The following PHACTR1 variants were observed in gnomAD, a reference collection of about 807,000 sequenced individuals.
The protein encoded by PHACTR1 is RPEL repeat containing 1.
In PHACTR1, 16 loss-of-function variants were observed where a neutral mutation model predicts 69.2. The observed-to-expected ratio is 0.23, with a 90% CI of 0.16 to 0.35. The LOEUF is 0.35. Among genes scored for constraint, PHACTR1 ranks in the 10% least tolerant of loss-of-function variants. PHACTR1 has a pLI of 1.00. For missense variants in PHACTR1, 510 were observed against 734.7 expected (o/e 0.69, Z 3.54); for synonymous variants, 312 against 284.5 (o/e 1.10, Z -0.97).
intron 4 of PHACTR1, among the ~76,000 whole-genome samples, chr6:13,030,761 C>T (rs6912487): frequency 0.7 from 107,112 of 152,166 alleles, 39,133 homozygotes; most frequent in East Asian, 0.88. Flanking sequence ...CACTCATTCA[C>T]GTGCTGAGAC....
At chr6:12,992,941 T>C (rs540264448) in intron 4 of PHACTR1, among the ~76,000 whole-genome samples, 1 of 152,348 alleles carries the variant, frequency 6.6e-6, no homozygotes, top group East Asian at 1.9e-4. Context: ...TCTTTTATTA[T>C]GCAAATGGGT....
intron 5 of PHACTR1, among the ~76,000 whole-genome samples, chr6:13,078,964 A>G (rs976197711): frequency 2.6e-5 from 4 of 152,226 alleles, no homozygotes; most frequent in Admixed American, 2.0e-4. Context: ...AGCTTTGTCA[A>G]TAAAATAGTT....
Position 13,283,422 on chromosome 6 carries a change from CTCAG to C in PHACTR1, c.1514_1517del (p.Ser505LysfsTer65), listed in dbSNP as rs1310126476. On this transcript the variant is annotated frameshift_variant and splice_region_variant, in exon 13 of 15. Transcript: ENST00000332995. LOFTEE classifies it high-confidence loss of function. This position sits in a 1 kb window ranked among gnomAD's most constrained non-coding sequence, Gnocchi z 4.7. ...GGTCCATCTCTCTCCCTCCCTGCAGCTCAGTCAAAGGCCCACGGTGGAAGAGCTT... is the reference window on the plus strand; with the variant it reads ...GGTCCATCTCTCTCCCTCCCTGCAGCTCAAAGGCCCACGGTGGAAGAGCTT... 3.7e-6 allele frequency: 6 copies of C among 1,613,366 alleles called. No homozygotes were observed. Among genetic ancestry groups the C allele is most frequent in the Non-Finnish European group, 2.5e-6 (3 of 1,179,754 alleles).
chr6:12,921,524 G>A (rs1308757393), intron 4 of PHACTR1, among the ~76,000 whole-genome samples: 34 of 137,384 alleles, frequency 2.5e-4, no homozygotes, highest in African/African-American at 9.3e-4. Context: ...AGGAAGGGGA[G>A]GGAGGGAGGG....
chr6:13,285,796 T>C (rs1445227469), intron 13 of PHACTR1, among the ~76,000 whole-genome samples: 6 of 152,174 alleles, frequency 3.9e-5, no homozygotes, highest in African/African-American at 1.4e-4. Flanking sequence ...GAGCTTTGTT[T>C]ATTTATGGAA....
Position 13,272,640 on chromosome 6 carries a change from G to A in PHACTR1, c.1392-220G>A, listed in dbSNP as rs1401753713. 14 of 1,416,702 alleles carry A rather than the reference G, an allele frequency of 9.9e-6. No individual in the cohort carries two copies. In the Admixed American group the frequency reaches 1.0e-4, roughly 11 times the overall value. The allele number at this position is 1,416,702 out of a possible 1,614,324, so 87.8% of individuals were successfully genotyped here. A position where few individuals can be genotyped will look rare whatever the true frequency, so the allele number is the denominator to read the frequency against. ...TGGGGAGGGGCCGCTGCAGGGAGGA[G>A]GGCGGGGGTCAGCGGCTGTGACATG... On this transcript the variant is annotated intron_variant, in intron 10 of 14. Coordinates refer to ENST00000332995, the MANE Select transcript of PHACTR1 (RefSeq NM_030948.6).
intron 4 of PHACTR1, among the ~76,000 whole-genome samples, chr6:13,029,023 T>G (rs958031032): frequency 6.6e-6 from 1 of 152,202 alleles, no homozygotes; most frequent in African/African-American, 2.4e-5. Flanking sequence ...ATAACATTGC[T>G]TATTCACTTA....
chr6:12,768,301 A>G (rs1768922494), intron 4 of PHACTR1, among the ~76,000 whole-genome samples: 1 of 151,928 alleles, frequency 6.6e-6, no homozygotes, highest in South Asian at 2.1e-4. Context: ...TTTTTAGTAG[A>G]GACGGGGTTT....
chr6:12,930,182 T>C (rs961026872), intron 4 of PHACTR1, among the ~76,000 whole-genome samples: 1 of 152,080 alleles, frequency 6.6e-6, no homozygotes, highest in Admixed American at 6.6e-5. Context: ...TAGCTGGGAC[T>C]ATAGGTGTGT....
In PHACTR1 at chr6:12,912,942, G is replaced by A. The variant is rs142270815; in HGVS notation, c.251-140423G>A. On this transcript the variant is annotated intron_variant, in intron 4 of 14. Coordinates refer to ENST00000332995, the MANE Select transcript of PHACTR1 (RefSeq NM_030948.6). ...GCACTCCAGCCTGGGCAACTGGAAT[G>A]AGACCCTGTCTCAAAACAAACAAAC... 2.6e-3 allele frequency among the ~76,000 whole-genome samples: 400 copies of A among 152,300 alleles called. 2 individuals are homozygous for A. Among genetic ancestry groups the A allele is most frequent in the African/African-American group, 9.3e-3 (385 of 41,566 alleles).
intron 4 of PHACTR1, among the ~76,000 whole-genome samples, chr6:12,803,954 C>A (rs1773999284): frequency 6.6e-6 from 1 of 152,156 alleles, no homozygotes; most frequent in Non-Finnish European, 1.5e-5. Context: ...GAACAAAATT[C>A]CAAATAGTAA....
At chr6:13,259,854 T>C (rs544442154) in intron 10 of PHACTR1, among the ~76,000 whole-genome samples, 51 of 152,324 alleles carry the variant, frequency 3.3e-4, no homozygotes, top group African/African-American at 1.2e-3. Context: ...TTGAAAATCA[T>C]TGATGGAAAT....
chr6:13,220,144 A>G (rs1768374818), intron 8 of PHACTR1, among the ~76,000 whole-genome samples: 2 of 152,240 alleles, frequency 1.3e-5, no homozygotes. Flanking sequence ...GGTGGTTTTG[A>G]AAGATGCTCC....
intron 4 of PHACTR1, among the ~76,000 whole-genome samples, chr6:12,977,506 C>G (rs1265734234): frequency 6.6e-6 from 1 of 152,172 alleles, no homozygotes; most frequent in African/African-American, 2.4e-5. Context: ...CTCTCTCCCC[C>G]TAAAACTTAT....
chr6:12,729,556 G>A (rs1358915502), intron 3 of PHACTR1, among the ~76,000 whole-genome samples: 1 of 152,192 alleles, frequency 6.6e-6, no homozygotes, highest in Non-Finnish European at 1.5e-5. Context: ...GTGGAGAATG[G>A]CGTAAGAGAA....
chr6:13,231,049 A>AAAGAAAGAAAGAGAGAGAGAG (rs1770863438), intron 10 of PHACTR1, among the ~76,000 whole-genome samples: 1 of 1,342 alleles, frequency 7.5e-4, no homozygotes, highest in African/African-American at 1.8e-3. Context: ...GAGAGAAAGG[A>AAAGAAAGAAAGAGAGAGAGAG]AGGAAGGAAG....
chr6:13,170,365 C>A (rs1273940538), intron 6 of PHACTR1, among the ~76,000 whole-genome samples: 3 of 152,186 alleles, frequency 2.0e-5, no homozygotes, highest in Admixed American at 6.5e-5. Flanking sequence ...CATGAAACCA[C>A]CCTTTCTAAC....
chr6:12,830,975 C>T (rs951560078), intron 4 of PHACTR1, among the ~76,000 whole-genome samples: 16 of 152,036 alleles, frequency 1.1e-4, no homozygotes, highest in African/African-American at 2.7e-4. Context: ...GGATATATTG[C>T]GTAGTGGCGA....
chr6:13,026,610 A>ATGG (rs1801737868), intron 4 of PHACTR1, among the ~76,000 whole-genome samples: 1 of 152,086 alleles, frequency 6.6e-6, no homozygotes, highest in Admixed American at 6.6e-5. Context: ...CTCTCTGTTC[A>ATGG]TGGTGGTGGT....
Sources: gnomAD v4.1 joint callset for allele counts (sites outside exome capture counted in the v4.1 genomes callset) on GRCh38, gnomAD v4.1.1 for gene constraint, Gnocchi (gnomAD v3.1) non-coding constraint, MANE v1.5 for transcripts, NCBI Gene and HGNC (gene_info 2026-07-23, HGNC 2026-07-21) for gene names.